Variants in SMARCC1 observed in about 807,000 individuals in gnomAD.
SMARCC1 encodes SWI/SNF related BAF chromatin remodeling complex subunit C1.
SMARCC1 carries 43 observed loss-of-function variants against 147.4 expected under a neutral mutation model. The ratio of observed to expected loss-of-function variants is 0.29; its 90% CI spans 0.23 to 0.38. The LOEUF is 0.38. Ranked by LOEUF, SMARCC1 falls within the 10% of genes least tolerant of loss-of-function variation. SMARCC1 has a pLI of 1.00. For synonymous variants in SMARCC1, 495 were observed against 484.4 expected (o/e 1.02, Z -0.29); for missense variants, 1,119 against 1,381.1 (o/e 0.81, Z 3.01).
chr3:47,765,228 G>C (rs929902072), intron 2 of SMARCC1, among the ~76,000 whole-genome samples: 3 of 151,606 alleles, frequency 2.0e-5, no homozygotes, highest in Non-Finnish European at 2.9e-5. Flanking sequence ...GCCAGCCTGA[G>C]CAACAAGAGA....
chr3:47,700,300 C>A (rs1306765863), intron 11 of SMARCC1, among the ~76,000 whole-genome samples: 2 of 151,996 alleles, frequency 1.3e-5, no homozygotes, highest in South Asian at 4.1e-4. Flanking sequence ...ACCTGTAATT[C>A]ACCAACTGAT....
intron 20 of SMARCC1, 65 bp from the exon 21 acceptor site, chr3:47,661,520 CCA>C: frequency 7.4e-7 from 1 of 1,342,288 alleles, no homozygotes; most frequent in East Asian, 2.3e-5. Flanking sequence ...CAGTGTAAAA[CCA>C]CCACCAGGAA....
chr3:47,616,009 T>C (rs1180232013), intron 25 of SMARCC1, among the ~76,000 whole-genome samples: 3 of 152,204 alleles, frequency 2.0e-5, no homozygotes, highest in Non-Finnish European at 2.9e-5. Context: ...TTTCTATACC[T>C]AGCCAAATGA....
At chr3:47,589,147 T>G (rs1470600340) in intron 27 of SMARCC1, among the ~76,000 whole-genome samples, 1 of 152,190 alleles carries the variant, frequency 6.6e-6, no homozygotes, top group Non-Finnish European at 1.5e-5. Flanking sequence ...ACTGATCTAA[T>G]CCCTTGTGTC....
intron 18 of SMARCC1, among the ~76,000 whole-genome samples, chr3:47,671,173 CAA>C (rs775759680): frequency 0.024 from 691 of 29,212 alleles, 6 homozygotes; most frequent in South Asian, 0.04. Context: ...GAGACTATCT[CAA>C]AAAAAAAAAA....
Position 47,605,726 on chromosome 3 carries a change from T to C in SMARCC1, c.3043+4340A>G, listed in dbSNP as rs148367045. Among the ~76,000 whole-genome samples, 6 of 152,290 alleles carry C rather than the reference T, an allele frequency of 3.9e-5. No individual in the cohort carries two copies. In the East Asian group the frequency reaches 1.2e-3, roughly 29 times the overall value. On this transcript the variant is annotated intron_variant, in intron 26 of 27. Transcript: ENST00000254480. Reference sequence around the variant, plus strand: ...AGGTTGAGGCTGCAGTGAGCCCTGATAATGTCACTGCACTCTAGCCTGGGT... The same window carrying C: ...AGGTTGAGGCTGCAGTGAGCCCTGACAATGTCACTGCACTCTAGCCTGGGT...
rs1331333463 is a variant in SMARCC1, at chr3:47,676,624, T to C, written c.1725+5A>G. ...AGGTCTGATGAAAAGTCAACATTAA[T>C]TTACCTGAGGTGATCGAAGATGCAG... On this transcript the variant is annotated splice_donor_5th_base_variant and intron_variant, in intron 17 of 27. Transcript: ENST00000254480. The C allele has an allele frequency of 6.2e-7, 1 of 1,612,326 alleles. No homozygotes were observed. Among genetic ancestry groups the C allele is most frequent in the East Asian group, 2.2e-5 (1 of 44,860 alleles).
At chr3:47,682,123 G>A (rs373785528) in intron 14 of SMARCC1, among the ~76,000 whole-genome samples, 8 of 150,258 alleles carry the variant, frequency 5.3e-5, no homozygotes, top group African/African-American at 9.8e-5. Flanking sequence ...GTGAAACCCC[G>A]TCTCTACTAA....
chr3:47,588,012 T>G lies in SMARCC1; in HGVS notation c.*197A>C. The G allele has an allele frequency of 1.7e-6, 1 of 572,126 alleles. No homozygotes were observed. Among genetic ancestry groups the G allele is most frequent in the Non-Finnish European group, 3.1e-6 (1 of 322,284 alleles). 35.4% of individuals were successfully genotyped at this position (572,126 alleles called of 1,614,324 possible). A position where few individuals can be genotyped will look rare whatever the true frequency, so the allele number is the denominator to read the frequency against. On this transcript the variant is annotated 3_prime_UTR_variant, in exon 28 of 28. Transcript: ENST00000254480. ...CACACTGTCACTACAGGTTTCCCCT[T>G]GAGTGTTGGCTGAGGACCCAACACA...
chr3:47,736,190 G>T, intron 4 of SMARCC1, 64 bp from the exon 5 acceptor site: 1 of 896,986 alleles, frequency 1.1e-6, no homozygotes, highest in African/African-American at 1.7e-5. Flanking sequence ...TATTATTTAT[G>T]CAATATACAA....
chr3:47,653,068 TG>T (rs1559635422), intron 21 of SMARCC1, among the ~76,000 whole-genome samples: 1 of 151,226 alleles, frequency 6.6e-6, no homozygotes, highest in Admixed American at 6.6e-5. Context: ...GCCATTCTCC[TG>T]GCCTCAGCCT....
At chr3:47,710,241 C>A (rs1377827932) in intron 9 of SMARCC1, among the ~76,000 whole-genome samples, 3 of 152,106 alleles carry the variant, frequency 2.0e-5, no homozygotes, top group Non-Finnish European at 4.4e-5. Flanking sequence ...TCGCTTCAAC[C>A]CAAGAGGCAG....
At chr3:47,772,756 C>T (rs1160790527) in intron 2 of SMARCC1, 61 bp downstream of exon 2, 6 of 1,435,366 alleles carry the variant, frequency 4.2e-6, no homozygotes, top group Non-Finnish European at 5.6e-6. Context: ...AAGCTGGATG[C>T]TACACCTAAA....
intron 14 of SMARCC1, among the ~76,000 whole-genome samples, chr3:47,681,424 G>A (rs921249313): frequency 2.0e-5 from 3 of 152,046 alleles, no homozygotes; most frequent in Admixed American, 6.5e-5. Context: ...ATATGCAAAC[G>A]CTAATAATTT....
chr3:47,745,156 G>C (rs1329716259), intron 3 of SMARCC1, among the ~76,000 whole-genome samples: 5 of 152,062 alleles, frequency 3.3e-5, no homozygotes, highest in Admixed American at 6.6e-5. Context: ...TGTAATCCCA[G>C]TTACTCAGGA....
At chr3:47,607,826 T>C (rs1482043401) in intron 26 of SMARCC1, among the ~76,000 whole-genome samples, 1 of 152,166 alleles carries the variant, frequency 6.6e-6, no homozygotes, top group African/African-American at 2.4e-5. Flanking sequence ...GGGGATTGCT[T>C]GAGCCCAGGA....
chr3:47,588,012 TGA>T lies in SMARCC1; in HGVS notation c.*195_*196del. 3 of 572,126 alleles carry T rather than the reference TGA, an allele frequency of 5.2e-6. No homozygotes were observed. Among genetic ancestry groups the T allele is most frequent in the Non-Finnish European group, 9.3e-6 (3 of 322,284 alleles). 35.4% of individuals were successfully genotyped at this position (572,126 alleles called of 1,614,324 possible). ...CACACTGTCACTACAGGTTTCCCCT[TGA>T]GTGTTGGCTGAGGACCCAACACAAA... On this transcript the variant is annotated 3_prime_UTR_variant, in exon 28 of 28. Transcript: ENST00000254480.
rs1357630424 is a variant in SMARCC1, at chr3:47,633,817, C to CAT, written c.2646+1371_2646+1372dup. Among the ~76,000 whole-genome samples, 562 of 125,290 alleles carry CAT rather than the reference C, an allele frequency of 4.5e-3. 13 individuals are homozygous for CAT. The highest frequency in any genetic ancestry group is 7.3e-3 in the Non-Finnish European group (438 of 59,746). 82.2% of individuals were successfully genotyped at this position (125,290 alleles called of 152,430 possible). A position where few individuals can be genotyped will look rare whatever the true frequency, so the allele number is the denominator to read the frequency against. ...ACACACACACACACACACACACACA[C>CAT]ATATATATAAAATGTGAGAGACTAT... On this transcript the variant is annotated intron_variant, in intron 24 of 27. Transcript: ENST00000254480.
chr3:47,662,242 A>G, intron 20 of SMARCC1, 92 bp downstream of exon 20: 2 of 1,068,640 alleles, frequency 1.9e-6, no homozygotes, highest in South Asian at 1.6e-5. Flanking sequence ...TTTGTTATTT[A>G]CATTAAAAGA....
Sources: allele counts gnomAD v4.1 joint callset (sites outside exome capture counted in the v4.1 genomes callset), GRCh38; gene constraint gnomAD v4.1.1; transcripts MANE v1.5; gene names NCBI Gene and HGNC (gene_info 2026-07-23, HGNC 2026-07-21).